NRBP1: variants seen among roughly 807,000 people sequenced by gnomAD.
NRBP1 encodes the protein nuclear receptor binding protein 1, also known as nuclear receptor-binding protein.
Under a neutral mutation model 76.0 loss-of-function variants are expected in NRBP1, and 10 were observed. That is an observed-to-expected ratio of 0.13 (90% CI 0.08 to 0.22). NRBP1 has a LOEUF of 0.22. NRBP1 is among the 10% of genes least tolerant of loss of function. NRBP1 has a pLI of 1.00. For missense variants in NRBP1, 344 were observed against 646.0 expected (o/e 0.53, Z 5.07); for synonymous variants, 235 against 240.2 (o/e 0.98, Z 0.20).
At chr2:27,434,672 G>C (rs1664238646) in intron 5 of NRBP1, 50 bp from the exon 6 acceptor site, 1 of 1,609,720 alleles carries the variant, frequency 6.2e-7, no homozygotes, top group South Asian at 1.1e-5. Context: ...TAGTGGGAGA[G>C]AGTTAAGAGA....
rs751134996 is a variant in NRBP1 at position 27,441,160 on chromosome 2, G to C, written c.1363G>C (p.Glu455Gln). 1 of 1,614,048 alleles carries C rather than the reference G, an allele frequency of 6.2e-7. No homozygotes were observed. Among genetic ancestry groups the C allele is most frequent in the East Asian group, 2.2e-5 (1 of 44,886 alleles). ...VLMQCNIESVEEGVKHHLTLL... is the reference protein window; with the variant it reads ...VLMQCNIESVQEGVKHHLTLL... ...GATGCAGTGCAACATTGAGTCGGTG[G>C]AGGAGGGAGTCAAACACCACGTAAG... is the stretch of plus-strand genomic sequence containing the variant. The change falls in exon 15 of 18, where the codon GAG (glutamate) becomes CAG (glutamine). Residue 455 changes from glutamate (E) to glutamine (Q), a missense_variant. Physicochemically the swap from Glu to Gln is conservative, Grantham distance 29. Around this residue, in one of 3 missense-constraint regions of NRBP1, gnomAD observed 218 missense variants for 309.8 expected, o/e 0.70. Transcript: ENST00000379852.
chr2:27,428,958 G>A (rs1663986447), intron 1 of NRBP1, among the ~76,000 whole-genome samples: 2 of 151,622 alleles, frequency 1.3e-5, no homozygotes, highest in East Asian at 3.9e-4. Flanking sequence ...TGGCGGCGGC[G>A]CCCCGGGATT....
intron 10 of NRBP1, among the ~76,000 whole-genome samples, chr2:27,439,484 C>CAAA (rs70953858): frequency 1.4e-4 from 9 of 66,654 alleles, no homozygotes; most frequent in African/African-American, 3.2e-4. Flanking sequence ...GACTCCGTCT[C>CAAA]AAAAAAAAAA....
At chr2:27,430,469 CTTTT>C (rs977927783) in intron 1 of NRBP1, among the ~76,000 whole-genome samples, 1 of 138,688 alleles carries the variant, frequency 7.2e-6, no homozygotes, top group African/African-American at 2.6e-5. Flanking sequence ...TTCTTTTTTT[CTTTT>C]TTTTTTTTTT....
intron 10 of NRBP1, 38 bp from the exon 11 acceptor site, chr2:27,439,728 G>GC (rs775550694): frequency 7.4e-6 from 12 of 1,612,338 alleles, no homozygotes; most frequent in Non-Finnish European, 1.7e-6. Flanking sequence ...CTGGGGGCTT[G>GC]CCAGATGCCT....
chr2:27,431,939 C>T (rs1664130966), intron 1 of NRBP1: 1 of 152,256 alleles, frequency 6.6e-6, no homozygotes, highest in African/African-American at 2.4e-5. Context: ...ACCTCTGCCT[C>T]CCGGGTTCAA....
intron 7 of NRBP1, 56 bp from the exon 8 acceptor site, chr2:27,436,697 G>C: frequency 6.6e-7 from 1 of 1,507,920 alleles, no homozygotes; most frequent in Non-Finnish European, 9.2e-7. Context: ...TCTCTCTGGA[G>C]TGAGACTATT....
In NRBP1 at chr2:27,442,220, C is replaced by T; in HGVS notation, c.*408C>T. The stretch of plus-strand genomic sequence containing the variant: ...GGCCCTGGGGGGCCATTCGATTCGC[C>T]TCAGTTGCTGCTGTAATAAAAGTCT... On this transcript the variant is annotated 3_prime_UTR_variant, in exon 18 of 18. Coordinates refer to ENST00000379852, the MANE Select transcript of NRBP1 (RefSeq NM_013392.4). 3.6e-6 allele frequency: 2 copies of T among 563,174 alleles called. No homozygotes were observed. Among genetic ancestry groups the T allele is most frequent in the Non-Finnish European group, 6.1e-6 (2 of 329,530 alleles). The allele number at this position is 563,174 out of a possible 1,614,324, so 34.9% of individuals were successfully genotyped here.
chr2:27,435,315 C>T (rs1382203319), intron 7 of NRBP1, 88 bp downstream of exon 7: 8 of 1,123,532 alleles, frequency 7.1e-6, no homozygotes, highest in African/African-American at 3.1e-5. Flanking sequence ...GATAACAGAG[C>T]AAAATTCTGA....
chr2:27,433,997 T>C lies in NRBP1; in HGVS notation c.342T>C (p.Val114=). 1 of 1,614,008 alleles carries C rather than the reference T, an allele frequency of 6.2e-7. No homozygotes were observed. Among genetic ancestry groups the C allele is most frequent in the Middle Eastern group, 1.6e-4 (1 of 6,062 alleles). The change falls in exon 4 of 18, where the codon GTT becomes GTC. Residue 114 remains valine, a synonymous_variant. Transcript: ENST00000379852. The part of the protein sequence containing the change: ...RKNYKLQEEK[V]RAVFDNLIQL... ...GTCTCCCTTGCTTTCAGGAAAAGGT[T>C]CGTGCTGTGTTTGATAATCTGATTC... is the stretch of plus-strand genomic sequence containing the variant.
At chr2:27,434,875 C>T in intron 6 of NRBP1, 113 bp downstream of exon 6, 3 of 1,134,018 alleles carry the variant, frequency 2.6e-6, no homozygotes, top group Non-Finnish European at 4.0e-6. Flanking sequence ...TTCTTTGAAT[C>T]ATATACTGTC....
At chr2:27,437,874 GA>G (rs1558337869) in intron 10 of NRBP1, among the ~76,000 whole-genome samples, 2 of 140,480 alleles carry the variant, frequency 1.4e-5, no homozygotes, top group Non-Finnish European at 3.1e-5. Context: ...CTCCGTCTCA[GA>G]AAAAAAGAAA....
At chr2:27,434,822 T>C in intron 6 of NRBP1, 60 bp downstream of exon 6, 1 of 1,505,852 alleles carries the variant, frequency 6.6e-7, no homozygotes, top group Non-Finnish European at 9.2e-7. Flanking sequence ...TCCAAACAGA[T>C]TTCAGGGCAC....
At chr2:27,432,325 G>C (rs1186243182) in intron 1 of NRBP1, among the ~76,000 whole-genome samples, 2 of 152,198 alleles carry the variant, frequency 1.3e-5, no homozygotes, top group Admixed American at 1.3e-4. Flanking sequence ...ATTCCTGGGA[G>C]GGTCATCTTC....
At position 27,441,551 on chromosome 2, in the gene NRBP1, C is replaced by T. The variant is rs2148456407; in HGVS notation, c.1448-16C>T. The T allele has an allele frequency of 2.5e-6, 4 of 1,614,088 alleles. No homozygotes were observed. In the South Asian group the frequency reaches 4.4e-5, roughly 18 times the overall value. On this transcript the variant is annotated splice_polypyrimidine_tract_variant and intron_variant, in intron 16 of 17. Coordinates refer to ENST00000379852, the MANE Select transcript of NRBP1 (RefSeq NM_013392.4). ...CAGTCCCGTACTGTACTCACCCCCT[C>T]CTGTTTCTTTGTCAGATGAGAATAT...
Position 27,437,359 on chromosome 2 carries a change from G to A in NRBP1, c.902G>A (p.Arg301Lys). The A allele has an allele frequency of 6.2e-7, 1 of 1,610,398 alleles. No individual in the cohort carries two copies. Among genetic ancestry groups the A allele is most frequent in the East Asian group, 2.2e-5 (1 of 44,872 alleles). The change falls in exon 10 of 18, where the codon AGG becomes AAG. Residue 301 changes from arginine (R) to lysine (K), a missense_variant and splice_region_variant. By Grantham distance (26) the Arg-to-Lys change is conservative (BLOSUM62 2). Around this residue, in one of 3 missense-constraint regions of NRBP1, gnomAD observed 218 missense variants for 309.8 expected, o/e 0.70. Transcript: ENST00000379852. ...AIQLLEDPLQ[R>K]EFIQKCLQSE... The stretch of plus-strand genomic sequence containing the variant: ...CAGCTTCTAGAAGACCCATTACAGA[G>A]GGTAAGGATCTTCAGGATCACTCCC...
rs767730395 is a variant in NRBP1 at position 27,437,302 on chromosome 2, A to G, written c.845A>G (p.Tyr282Cys). ...LEIQGNGESS[Y>C]VPQEAISSAI... ...ATTCAGGGCAATGGAGAGTCCTCATATGTGCCACAGGAAGCCATCAGCAGT... is the reference window on the plus strand; with the variant it reads ...ATTCAGGGCAATGGAGAGTCCTCATGTGTGCCACAGGAAGCCATCAGCAGT... The change falls in exon 10 of 18, where the codon TAT becomes TGT. Residue 282 changes from tyrosine to cysteine, a missense_variant. Transcript: ENST00000379852. 1.9e-6 allele frequency: 3 copies of G among 1,613,830 alleles called. No individual in the cohort carries two copies. Among genetic ancestry groups the G allele is most frequent in the African/African-American group, 1.3e-5 (1 of 74,980 alleles).
At position 27,434,090 on chromosome 2, in the gene NRBP1, G is replaced by A; in HGVS notation, c.435G>A (p.Arg145=). 6.2e-7 allele frequency: 1 copy of A among 1,610,212 alleles called. No individual in the cohort carries two copies. Among genetic ancestry groups the A allele is most frequent in the Non-Finnish European group, 8.5e-7 (1 of 1,177,402 alleles). ...YWADIKENKA[R]VIFITEYMSS... is the part of the protein sequence containing the mutation. Reference sequence around the variant, plus strand: ...CTGACATTAAAGAGAACAAGGCCAGGGTAAGAATTTTTTCCCCATATTTCC... The same window carrying A: ...CTGACATTAAAGAGAACAAGGCCAGAGTAAGAATTTTTTCCCCATATTTCC... The change falls in exon 4 of 18, where the codon AGG becomes AGA. Residue 145 remains arginine, a splice_region_variant and synonymous_variant. Transcript: ENST00000379852.
At chr2:27,436,236 A>G in intron 7 of NRBP1, 1 of 213,990 alleles carries the variant, frequency 4.7e-6, no homozygotes, top group South Asian at 8.6e-5. Context: ...GTGGGTAAGA[A>G]GGAGGCTACC....
Sources: gnomAD v4.1 joint callset for allele counts (sites outside exome capture counted in the v4.1 genomes callset) on GRCh38, gnomAD v4.1.1 for gene constraint, gnomAD v4.1.1 regional missense constraint, MANE v1.5 for transcripts, NCBI Gene and HGNC (gene_info 2026-07-23, HGNC 2026-07-21) for gene names.